The following PCDHGA10 variants were observed in gnomAD, a reference collection of about 807,000 sequenced individuals.
The protein encoded by PCDHGA10 is protocadherin gamma subfamily A, 10.
A neutral mutation model predicts 59.5 loss-of-function variants in PCDHGA10; 42 were observed. That is an observed-to-expected ratio of 0.71 (90% CI 0.55 to 0.91). The LOEUF (loss-of-function observed/expected upper bound fraction) is 0.91, where lower values mean the gene tolerates loss of function less well. Among genes scored for constraint, PCDHGA10 ranks in the 40% least tolerant of loss-of-function variants. PCDHGA10 has a pLI of 0.00. For missense variants in PCDHGA10, 1,111 were observed against 1,198.2 expected (o/e 0.93, Z 1.07); for synonymous variants, 511 against 517.2 (o/e 0.99, Z 0.16).
chr5:141,425,243 G>T (rs2096863760), intron 1 of PCDHGA10, among the ~76,000 whole-genome samples: 1 of 152,132 alleles, frequency 6.6e-6, no homozygotes, highest in Non-Finnish European at 1.5e-5. Flanking sequence ...AAATAAAAAG[G>T]ATATGAGGTA....
chr5:141,477,878 C>A lies in PCDHGA10; in HGVS notation c.2437-16929C>A. ...GCTGCCTCGAGGTACCTCAGCTGGC[C>A]ACCTAGTGTCACGGGTGGTAGGCTG... is the stretch of plus-strand genomic sequence containing the variant. On this transcript the variant is annotated intron_variant, in intron 1 of 3. Transcript: ENST00000398610. The surrounding 1 kb of genome is among the most constrained non-coding windows in gnomAD (Gnocchi z 4.9). 1.2e-6 allele frequency: 2 copies of A among 1,614,158 alleles called. No individual in the cohort carries two copies. Among genetic ancestry groups the A allele is most frequent in the Non-Finnish European group, 1.7e-6 (2 of 1,180,008 alleles).
chr5:141,414,052 T>C lies in PCDHGA10; in HGVS notation c.877T>C (p.Leu293=). ...YSFRKLPDTQ[L]LKFQLNKYTG... ...ATTCCGAAAATTACCTGACACGCAA[T>C]TGTTGAAGTTCCAACTAAACAAATA... The change falls in exon 1 of 4, where the codon TTG becomes CTG. Residue 293 remains leucine (L), a synonymous_variant. Coordinates refer to ENST00000398610, the MANE Select transcript of PCDHGA10 (RefSeq NM_018913.3). 1 of 1,610,346 alleles carries C rather than the reference T, an allele frequency of 6.2e-7. No individual in the cohort carries two copies. Among genetic ancestry groups the C allele is most frequent in the Non-Finnish European group, 8.5e-7 (1 of 1,178,350 alleles).
rs371079504 is a variant in PCDHGA10, at chr5:141,422,041, G to C, written c.2436+6430G>C. 9 of 1,611,514 alleles carry C rather than the reference G, an allele frequency of 5.6e-6. No homozygotes were observed. The highest frequency in any genetic ancestry group is 5.9e-6 in the Non-Finnish European group (7 of 1,179,230). On this transcript the variant is annotated intron_variant, in intron 1 of 3. Transcript: ENST00000398610. ...GATGGTTAATGCAACGGATCCAGAC[G>C]AGGGAATCAACGGGGAAGTAATGTA...
intron 3 of PCDHGA10, among the ~76,000 whole-genome samples, chr5:141,508,841 C>A (rs969875150): frequency 6.6e-6 from 1 of 152,140 alleles, no homozygotes; most frequent in East Asian, 1.9e-4. Context: ...TCCCCTACCC[C>A]TTCCATTCCC....
At chr5:141,433,257 G>A (rs764036349) in intron 1 of PCDHGA10, 4 of 1,385,412 alleles carry the variant, frequency 2.9e-6, no homozygotes, top group Non-Finnish European at 4.0e-6. Context: ...GCAGCGGTAC[G>A]ATCATAGCTC....
At chr5:141,472,256 T>C (rs2099275290) in intron 1 of PCDHGA10, among the ~76,000 whole-genome samples, 1 of 152,176 alleles carries the variant, frequency 6.6e-6, no homozygotes, top group South Asian at 2.1e-4. Flanking sequence ...TAAAGTTATA[T>C]TATAGCCGGG....
intron 1 of PCDHGA10, among the ~76,000 whole-genome samples, chr5:141,458,412 G>A (rs2098945236): frequency 6.6e-6 from 1 of 152,034 alleles, no homozygotes; most frequent in Non-Finnish European, 1.5e-5. Context: ...ACGGAGCGGG[G>A]GTTCCAAAGC....
rs1386791249 is a variant in PCDHGA10 at position 141,511,417 on chromosome 5, G to A, written c.*244G>A. 1.2e-6 allele frequency: 1 copy of A among 835,942 alleles called. No homozygotes were observed. Among genetic ancestry groups the A allele is most frequent in the African/African-American group, 1.7e-5 (1 of 58,154 alleles). The allele number at this position is 835,942 out of a possible 1,614,324, so 51.8% of individuals were successfully genotyped here. A position where few individuals can be genotyped will look rare whatever the true frequency, so the allele number is the denominator to read the frequency against. The stretch of plus-strand genomic sequence containing the variant: ...CCATCCAATCAACTGCTGTACCCAT[G>A]GGGGTAGTGGGGTTACTGTAGACAC... On this transcript the variant is annotated 3_prime_UTR_variant, in exon 4 of 4. Transcript: ENST00000398610.
intron 1 of PCDHGA10, chr5:141,426,745 A>G (rs866203428): frequency 6.2e-5 from 28 of 454,130 alleles, no homozygotes; most frequent in Middle Eastern, 6.5e-4. Context: ...TTTGGCCTGG[A>G]ATCTGCTATA....
intron 1 of PCDHGA10, 134 bp from the exon 2 acceptor site, chr5:141,494,673 C>A: frequency 6.5e-7 from 1 of 1,542,992 alleles, no homozygotes; most frequent in South Asian, 1.2e-5. Flanking sequence ...GATGAGTCCA[C>A]CCCTGCCCCC....
chr5:141,424,026 C>G, intron 1 of PCDHGA10: 1 of 1,041,918 alleles, frequency 9.6e-7, no homozygotes, highest in Non-Finnish European at 1.2e-6. Context: ...TTCACAAACA[C>G]TTTTTATTTC....
At chr5:141,464,327 C>G (rs893319708) in intron 1 of PCDHGA10, among the ~76,000 whole-genome samples, 15 of 150,890 alleles carry the variant, frequency 9.9e-5, no homozygotes, top group African/African-American at 3.7e-4. Flanking sequence ...TCTGTTCAAC[C>G]CATCTATGAC....
chr5:141,432,335 C>T lies in PCDHGA10; in HGVS notation c.2436+16724C>T, dbSNP rs146691720. On this transcript the variant is annotated intron_variant, in intron 1 of 3. Coordinates refer to ENST00000398610, the MANE Select transcript of PCDHGA10 (RefSeq NM_018913.3). This position sits in a 1 kb window ranked among gnomAD's most constrained non-coding sequence, Gnocchi z 6.0. ...GAGCTCCTTCGACTACGAGCAGTTC[C>T]GAGACTTGCAAGTGAAAGTGATGGC... 2.6e-5 allele frequency: 42 copies of T among 1,614,126 alleles called. No individual in the cohort carries two copies. Among genetic ancestry groups the T allele is most frequent in the African/African-American group, 1.2e-4 (9 of 74,940 alleles).
At chr5:141,428,448 T>C in intron 1 of PCDHGA10, 12 of 375,612 alleles carry the variant, frequency 3.2e-5, no homozygotes, top group South Asian at 2.4e-4. Flanking sequence ...CAGGGGTTTT[T>C]CCCAACTACA....
chr5:141,434,178 G>C (rs960680568), intron 1 of PCDHGA10, among the ~76,000 whole-genome samples: 1 of 152,178 alleles, frequency 6.6e-6, no homozygotes, highest in African/African-American at 2.4e-5. Flanking sequence ...TTATATCCAA[G>C]ATTTGTAATT....
chr5:141,430,090 G>T (rs2097260736), intron 1 of PCDHGA10, among the ~76,000 whole-genome samples: 1 of 152,096 alleles, frequency 6.6e-6, no homozygotes, highest in Non-Finnish European at 1.5e-5. Context: ...ATGAAAATTT[G>T]ATTTTTAAGC....
Position 141,417,739 on chromosome 5 carries a change from C to G in PCDHGA10, c.2436+2128C>G, listed in dbSNP as rs1002260902. On this transcript the variant is annotated intron_variant, in intron 1 of 3. Transcript: ENST00000398610. The stretch of plus-strand genomic sequence containing the variant: ...GGCTGCGCAGACCTTGCCCAGCACA[C>G]CAGATTGCCAGCTCCGAGACCCGGG... 1.6e-5 allele frequency: 22 copies of G among 1,411,706 alleles called. No homozygotes were observed. In the African/African-American group the frequency reaches 1.7e-4, roughly 11 times the overall value. The allele number at this position is 1,411,706 out of a possible 1,614,324, so 87.4% of individuals were successfully genotyped here.
Position 141,417,921 on chromosome 5 carries a change from T to G in PCDHGA10, c.2436+2310T>G, listed in dbSNP as rs771406905. 7.5e-6 allele frequency: 12 copies of G among 1,607,746 alleles called. No homozygotes were observed. The Admixed American group carries it at 1.7e-4, about 23-fold the overall frequency. On this transcript the variant is annotated intron_variant, in intron 1 of 3. Transcript: ENST00000398610. ...CCGCGGCAGGTACTATTTCCTTTGC[T>G]GCTGCCTTTGTTCTACCCCACGCTG...
intron 3 of PCDHGA10, among the ~76,000 whole-genome samples, chr5:141,509,262 ACT>A (rs761383166): frequency 9.2e-5 from 14 of 151,714 alleles, no homozygotes; most frequent in Non-Finnish European, 1.9e-4. Flanking sequence ...GGCTTTAGTC[ACT>A]CTCGCTACCC....
Sources: allele counts gnomAD v4.1 joint callset (sites outside exome capture counted in the v4.1 genomes callset), GRCh38; gene constraint gnomAD v4.1.1; non-coding constraint Gnocchi (gnomAD v3.1); transcripts MANE v1.5; gene names NCBI Gene and HGNC (gene_info 2026-07-23, HGNC 2026-07-21).